THEM6: variants seen among roughly 807,000 people sequenced by gnomAD.
The protein encoded by THEM6 is protein THEM6.
In THEM6, 10 loss-of-function variants were observed where a neutral mutation model predicts 13.7. The ratio of observed to expected loss-of-function variants is 0.73; its 90% CI spans 0.45 to 1.24. The LOEUF is 1.24. Ranked by LOEUF, THEM6 falls within the 50% of genes most tolerant of loss-of-function variation. THEM6 has a pLI of 0.00. For missense variants in THEM6, 317 were observed against 312.6 expected, an observed-to-expected ratio of 1.01 and a Z score of -0.11; for synonymous variants, 161 against 156.0, an observed-to-expected ratio of 1.03 and a Z score of -0.24.
chr8:142,731,378 TTTTA>T (rs1554642923), intron 1 of THEM6, among the ~76,000 whole-genome samples: 1 of 152,210 alleles, frequency 6.6e-6, no homozygotes, highest in South Asian at 2.1e-4. Flanking sequence ...AAAAGTATTA[TTTTA>T]TTTTTCTGAC....
chr8:142,732,495 C>T (rs1815671412), intron 1 of THEM6, among the ~76,000 whole-genome samples: 1 of 151,874 alleles, frequency 6.6e-6, no homozygotes, highest in Non-Finnish European at 1.5e-5. Context: ...AGGGGACCCA[C>T]TCACTGTCCA....
intron 1 of THEM6, among the ~76,000 whole-genome samples, chr8:142,729,458 G>T (rs1815597698): frequency 6.6e-6 from 1 of 152,082 alleles, no homozygotes; most frequent in Non-Finnish European, 1.5e-5. Flanking sequence ...TTCAGCCAGG[G>T]ATTTGCATCT....
intron 1 of THEM6, among the ~76,000 whole-genome samples, chr8:142,729,544 T>C (rs1432702258): frequency 1.3e-5 from 2 of 152,160 alleles, no homozygotes; most frequent in Non-Finnish European, 2.9e-5. Flanking sequence ...TATTATTAGA[T>C]GTAGAAGCAA....
chr8:142,732,572 A>G (rs952456954), intron 1 of THEM6, among the ~76,000 whole-genome samples: 15 of 152,062 alleles, frequency 9.9e-5, no homozygotes, highest in Admixed American at 2.0e-4. Context: ...TCATTCACAC[A>G]TACACACATT....
chr8:142,732,161 AATATATATATATATATATATAT>A (rs59428096), intron 1 of THEM6, among the ~76,000 whole-genome samples: 850 of 37,250 alleles, frequency 0.023, 47 homozygotes, highest in African/African-American at 0.053. Context: ...GGGAGTTTTG[AATATATATATATATATATATAT>A]ATATATATAT....
At chr8:142,728,937 CT>C (rs58263738) in intron 1 of THEM6, among the ~76,000 whole-genome samples, 2,057 of 107,240 alleles carry the variant, frequency 0.019, 41 homozygotes, top group African/African-American at 0.065. Flanking sequence ...TTACTATTTT[CT>C]TTTTTTTTTT....
In THEM6 at chr8:142,727,272, G is replaced by T; in HGVS notation, c.-75G>T. On this transcript the variant is annotated 5_prime_UTR_variant, in exon 1 of 2. Coordinates refer to ENST00000336138, the MANE Select transcript of THEM6 (RefSeq NM_016647.3). ...CGTGAGTTCCCAGGAGGCCTGGCGG[G>T]CACCGTAACCAGCGCCGCGGACACC... is the stretch of plus-strand genomic sequence containing the variant. 7.4e-7 allele frequency: 1 copy of T among 1,358,234 alleles called. No individual in the cohort carries two copies. The highest frequency in any genetic ancestry group is 3.0e-5 in the East Asian group (1 of 33,072). The allele number at this position is 1,358,234 out of a possible 1,614,324, so 84.1% of individuals were successfully genotyped here. A position where few individuals can be genotyped will look rare whatever the true frequency, so the allele number is the denominator to read the frequency against.
rs3736010 is a variant in THEM6, at chr8:142,736,085, T to C, written c.*646T>C. The C allele has an allele frequency of 0.26, 39,922 of 152,624 alleles. 6,017 individuals carry two copies. The highest frequency in any genetic ancestry group is 0.35 in the Admixed American group (5,414 of 15,314). The allele number at this position is 152,624 out of a possible 1,614,324, so 9.5% of individuals were successfully genotyped here. A position where few individuals can be genotyped will look rare whatever the true frequency, so the allele number is the denominator to read the frequency against. ...TCGGCCTTGCCTCCTCCTCCTCCTCTACCTCCAGTCAGGCTGGACGGGAGG... is the reference window on the plus strand; with the variant it reads ...TCGGCCTTGCCTCCTCCTCCTCCTCCACCTCCAGTCAGGCTGGACGGGAGG... On this transcript the variant is annotated 3_prime_UTR_variant, in exon 2 of 2. Coordinates refer to ENST00000336138, the MANE Select transcript of THEM6 (RefSeq NM_016647.3).
intron 1 of THEM6, among the ~76,000 whole-genome samples, chr8:142,734,354 TG>T (rs1258748087): frequency 6.6e-6 from 1 of 152,136 alleles, no homozygotes; most frequent in Non-Finnish European, 1.5e-5. Flanking sequence ...GCCGAGGAGA[TG>T]GGGAGCCAGG....
At chr8:142,731,239 T>A (rs1329527671) in intron 1 of THEM6, among the ~76,000 whole-genome samples, 2 of 152,238 alleles carry the variant, frequency 1.3e-5, no homozygotes, top group Non-Finnish European at 2.9e-5. Flanking sequence ...TTAGCCAATA[T>A]GTTTACACAC....
At position 142,731,213 on chromosome 8, in the gene THEM6, T is replaced by C. The variant is rs1479827136; in HGVS notation, c.513+3354T>C. Among the ~76,000 whole-genome samples the C allele has an allele frequency of 3.9e-5, 6 of 152,256 alleles. 1 individual carries two copies. The highest frequency in any genetic ancestry group is 2.6e-4 in the Admixed American group (4 of 15,286). On this transcript the variant is annotated intron_variant, in intron 1 of 1. Transcript: ENST00000336138. ...ACATCCAGTTCACAGAAAAACTGCA[T>C]GATACCCCTTTAGCTTTAGCCAATA...
At position 142,735,849 on chromosome 8, in the gene THEM6, AGGCCTGGGCTCTCCAG is replaced by A. The variant is rs1213719093; in HGVS notation, c.*420_*435del. 5.2e-6 allele frequency: 1 copy of A among 193,898 alleles called. No individual in the cohort carries two copies. Among genetic ancestry groups the A allele is most frequent in the Non-Finnish European group, 1.1e-5 (1 of 91,822 alleles). The allele number at this position is 193,898 out of a possible 1,614,324, so 12.0% of individuals were successfully genotyped here. On this transcript the variant is annotated 3_prime_UTR_variant, in exon 2 of 2. Transcript: ENST00000336138. ...GGCCAGACCAGAGCATCCTGGGTACAGGCCTGGGCTCTCCAGGGCCTGGGCCTGATTCAGGTGCAGT... is the reference window on the plus strand; with the variant it reads ...GGCCAGACCAGAGCATCCTGGGTACAGGCCTGGGCCTGATTCAGGTGCAGT...
chr8:142,731,052 A>G (rs1554642900), intron 1 of THEM6, among the ~76,000 whole-genome samples: 1 of 152,234 alleles, frequency 6.6e-6, no homozygotes, highest in African/African-American at 2.4e-5. Context: ...GCCAAACTTA[A>G]TAAAATCTTG....
At position 142,727,314 on chromosome 8, in the gene THEM6, A is replaced by G; in HGVS notation, c.-33A>G. Reference sequence around the variant, plus strand: ...GCGGACACCGGCACCGGCGCCACGGACTCCGCAGGACCCCGCGCCCGCCGC... The same window carrying G: ...GCGGACACCGGCACCGGCGCCACGGGCTCCGCAGGACCCCGCGCCCGCCGC... On this transcript the variant is annotated 5_prime_UTR_variant, in exon 1 of 2. Coordinates refer to ENST00000336138, the MANE Select transcript of THEM6 (RefSeq NM_016647.3). The G allele has an allele frequency of 2.1e-6, 3 of 1,456,036 alleles. No homozygotes were observed. The highest frequency in any genetic ancestry group is 2.7e-6 in the Non-Finnish European group (3 of 1,114,202). 90.2% of individuals were successfully genotyped at this position (1,456,036 alleles called of 1,614,324 possible).
chr8:142,729,362 A>G (rs912351165), intron 1 of THEM6, among the ~76,000 whole-genome samples: 5 of 152,146 alleles, frequency 3.3e-5, no homozygotes, highest in African/African-American at 9.7e-5. Flanking sequence ...CCATGAGAGT[A>G]CACCGAACAA....
rs1400809948 is a variant in THEM6 at position 142,732,171 on chromosome 8, T to C, written c.514-3155T>C. Among the ~76,000 whole-genome samples the C allele has an allele frequency of 9.0e-3, 465 of 51,722 alleles. 25 individuals are homozygous for C. The highest frequency in any genetic ancestry group is 0.038 in the African/African-American group (442 of 11,550). The allele number at this position is 51,722 out of a possible 152,430, so 33.9% of individuals were successfully genotyped here. A position where few individuals can be genotyped will look rare whatever the true frequency, so the allele number is the denominator to read the frequency against. On this transcript the variant is annotated intron_variant, in intron 1 of 1. Coordinates refer to ENST00000336138, the MANE Select transcript of THEM6 (RefSeq NM_016647.3). ...GAAAAGGGAGTTTTGAATATATATATATATATATATATATATATATATATA... is the reference window on the plus strand; with the variant it reads ...GAAAAGGGAGTTTTGAATATATATACATATATATATATATATATATATATA...
At chr8:142,728,933 TTTTC>T (rs1187288882) in intron 1 of THEM6, among the ~76,000 whole-genome samples, 5 of 134,238 alleles carry the variant, frequency 3.7e-5, no homozygotes, top group African/African-American at 1.5e-4. Context: ...AATATTACTA[TTTTC>T]TTTTTTTTTT....
chr8:142,727,743 C>T lies in THEM6; in HGVS notation c.397C>T (p.Leu133=), dbSNP rs782416230. The change falls in exon 1 of 2, where the codon CTG becomes TTG. Residue 133 remains leucine, a synonymous_variant. Transcript: ENST00000336138. ...GGGCTGGGACGACCGCGCGTTCTAC[C>T]TGGAGGCGCGCTTTGTCAGCCTGCG... The part of the protein sequence containing the change: ...LLGWDDRAFY[L]EARFVSLRDG... The T allele has an allele frequency of 6.9e-6, 10 of 1,447,662 alleles. No individual in the cohort carries two copies. The highest frequency in any genetic ancestry group is 8.1e-6 in the Non-Finnish European group (9 of 1,109,296). 89.7% of individuals were successfully genotyped at this position (1,447,662 alleles called of 1,614,324 possible).
chr8:142,728,279 C>T (rs1815560599), intron 1 of THEM6, among the ~76,000 whole-genome samples: 1 of 152,172 alleles, frequency 6.6e-6, no homozygotes, highest in African/African-American at 2.4e-5. Flanking sequence ...AGGACCTGAG[C>T]CCCCCTTTCA....
Sources: gnomAD v4.1 joint callset for allele counts (sites outside exome capture counted in the v4.1 genomes callset) on GRCh38, gnomAD v4.1.1 for gene constraint, MANE v1.5 for transcripts, NCBI Gene and HGNC (gene_info 2026-07-23, HGNC 2026-07-21) for gene names.